Variants in UROC1 observed in about 807,000 individuals in gnomAD.
UROC1 encodes the protein urocanate hydratase 1, also known as urocanate hydratase.
In UROC1, 79 loss-of-function variants were observed where a neutral mutation model predicts 89.5. That is an observed-to-expected ratio of 0.88 (90% CI 0.74 to 1.06). The LOEUF (loss-of-function observed/expected upper bound fraction) is 1.06. UROC1 is among the 50% of genes least tolerant of loss of function. UROC1 has a pLI of 0.00. For missense variants in UROC1, 885 were observed against 907.8 expected (o/e 0.97, Z 0.32); for synonymous variants, 361 against 354.8 (o/e 1.02, Z -0.20).
chr3:126,504,534 GT>G (rs1394021890), intron 8 of UROC1, among the ~76,000 whole-genome samples: 2 of 152,216 alleles, frequency 1.3e-5, no homozygotes, highest in Non-Finnish European at 2.9e-5. Context: ...GGCAGCCATT[GT>G]TTCTACAAGG....
At chr3:126,501,326 T>A (rs1935918707) in intron 9 of UROC1, 46 bp from the exon 10 acceptor site, 2 of 1,607,812 alleles carry the variant, frequency 1.2e-6, no homozygotes, top group African/African-American at 2.7e-5. Context: ...CACCTGTGCA[T>A]AGGTGCCCCA....
Position 126,483,551 on chromosome 3 carries a change from T to C in UROC1, c.1791-83A>G. 4 of 1,369,176 alleles carry C rather than the reference T, an allele frequency of 2.9e-6. No individual in the cohort carries two copies. The South Asian group carries it at 3.7e-5, about 13-fold the overall frequency. The allele number at this position is 1,369,176 out of a possible 1,614,324, so 84.8% of individuals were successfully genotyped here. A position where few individuals can be genotyped will look rare whatever the true frequency, so the allele number is the denominator to read the frequency against. On this transcript the variant is annotated intron_variant, in intron 18 of 19. Transcript: ENST00000290868. The stretch of plus-strand genomic sequence containing the variant: ...GGCAGAAGCCCATGTTTTGGAAGCA[T>C]TGGCTTGAGACGGCGTCAGGGTTGG...
chr3:126,500,727 G>T lies in UROC1; in HGVS notation c.1113C>A (p.Asn371Lys), dbSNP rs769578005. 1 of 1,614,094 alleles carries T rather than the reference G, an allele frequency of 6.2e-7. No individual in the cohort carries two copies. Among genetic ancestry groups the T allele is most frequent in the Non-Finnish European group, 8.5e-7 (1 of 1,180,022 alleles). The part of the protein sequence containing the change: ...FTEAQSLMAS[N>K]PAVFKDLVQE... ...GGACCAGGTCCTTGAACACAGCAGG[G>T]TTGGAGGCCATGAGGCTCTGGGCCT... The change falls in exon 11 of 20, where the codon AAC (asparagine) becomes AAA (lysine). Residue 371 changes from asparagine to lysine, a missense_variant. By Grantham distance (94) the Asn-to-Lys change is moderately conservative (BLOSUM62 0). Transcript: ENST00000290868.
chr3:126,506,533 G>A (rs987615967), intron 6 of UROC1, among the ~76,000 whole-genome samples: 3 of 152,200 alleles, frequency 2.0e-5, no homozygotes, highest in African/African-American at 7.2e-5. Context: ...ATAAATTAGT[G>A]CAATTGAACA....
intron 1 of UROC1, among the ~76,000 whole-genome samples, chr3:126,511,090 C>T (rs764133112): frequency 6.6e-6 from 1 of 152,122 alleles, no homozygotes; most frequent in African/African-American, 2.4e-5. Flanking sequence ...CCCAGGCAGG[C>T]ACCAGAGAGG....
intron 15 of UROC1, 81 bp downstream of exon 15, chr3:126,495,957 G>A: frequency 7.2e-7 from 1 of 1,383,504 alleles, no homozygotes; most frequent in Non-Finnish European, 1.0e-6. Context: ...ACCAGGCTGA[G>A]CGCCCGTCAG....
chr3:126,506,091 T>C (rs1174876273), intron 6 of UROC1, 80 bp from the exon 7 acceptor site: 6 of 1,521,642 alleles, frequency 3.9e-6, no homozygotes, highest in Admixed American at 3.3e-5. Flanking sequence ...TTTTAGGAGG[T>C]TGAAAATTAG....
intron 4 of UROC1, 122 bp downstream of exon 4, chr3:126,508,294 G>A: frequency 3.6e-6 from 5 of 1,374,750 alleles, no homozygotes; most frequent in Admixed American, 3.6e-5. Context: ...CAATGCTGGA[G>A]CCTCAGGCAC....
rs769578005 is a variant in UROC1 at position 126,500,727 on chromosome 3, G to A, written c.1113C>T (p.Asn371=). ...GGACCAGGTCCTTGAACACAGCAGG[G>A]TTGGAGGCCATGAGGCTCTGGGCCT... is the stretch of plus-strand genomic sequence containing the variant. ...FTEAQSLMAS[N]PAVFKDLVQE... is the part of the protein sequence containing the mutation. The change falls in exon 11 of 20, where the codon AAC becomes AAT. Residue 371 remains asparagine (N), a synonymous_variant. Transcript: ENST00000290868. 3.3e-5 allele frequency: 54 copies of A among 1,613,976 alleles called. No homozygotes were observed. Among genetic ancestry groups the A allele is most frequent in the Non-Finnish European group, 4.5e-5 (53 of 1,180,030 alleles).
chr3:126,498,584 G>C (rs917760081), intron 13 of UROC1, among the ~76,000 whole-genome samples: 1 of 152,002 alleles, frequency 6.6e-6, no homozygotes, highest in South Asian at 2.1e-4. Flanking sequence ...GGGCTGTCCT[G>C]GGGGGAGGAT....
intron 19 of UROC1, 50 bp from the exon 20 acceptor site, chr3:126,482,535 C>G (rs746077439): frequency 6.2e-6 from 10 of 1,613,016 alleles, no homozygotes; most frequent in South Asian, 5.5e-5. Context: ...CCGGGCTCCC[C>G]ACGTGAGTCT....
chr3:126,487,841 C>T (rs962008523), intron 18 of UROC1, among the ~76,000 whole-genome samples: 1 of 152,234 alleles, frequency 6.6e-6, no homozygotes, highest in African/African-American at 2.4e-5. Context: ...AGACCCTGGC[C>T]ATGAAAGCGC....
At chr3:126,492,565 A>G in intron 15 of UROC1, 49 bp from the exon 16 acceptor site, 1 of 1,483,886 alleles carries the variant, frequency 6.7e-7, no homozygotes, top group South Asian at 1.2e-5. Flanking sequence ...GGCAGCAATA[A>G]CAGGACCTGG....
intron 9 of UROC1, among the ~76,000 whole-genome samples, chr3:126,502,651 CTG>C (rs904241564): frequency 2.1e-5 from 3 of 146,232 alleles, no homozygotes; most frequent in Non-Finnish European, 3.0e-5. Context: ...TGTGTGCACT[CTG>C]TGTGTGCCTG....
At position 126,508,057 on chromosome 3, in the gene UROC1, C is replaced by T; in HGVS notation, c.450G>A (p.Glu150=). 6.2e-7 allele frequency: 1 copy of T among 1,614,028 alleles called. No individual in the cohort carries two copies. The highest frequency in any genetic ancestry group is 8.5e-7 in the Non-Finnish European group (1 of 1,180,026). ...CACTGTACATGACCAAAGTCTGCTC[C>T]TCTGTCATCTTCGACAAGTAGAACA... is the stretch of plus-strand genomic sequence containing the variant. ...LTMFYLSKMT[E]EQTLVMYSGH... The change falls in exon 5 of 20, where the codon GAG becomes GAA. Residue 150 remains glutamate (E), a synonymous_variant. Coordinates refer to ENST00000290868, the MANE Select transcript of UROC1 (RefSeq NM_144639.3).
chr3:126,508,110 G>T lies in UROC1; in HGVS notation c.412-15C>A. On this transcript the variant is annotated splice_polypyrimidine_tract_variant and intron_variant, in intron 4 of 19. Transcript: ENST00000290868. ...GTCAGCCAGAACTGGGGGAAGAGCA[G>T]AGCGTGGGGATTCTGTCAACAGAAG... The T allele has an allele frequency of 6.2e-7, 1 of 1,613,534 alleles. No individual in the cohort carries two copies. Among genetic ancestry groups the T allele is most frequent in the South Asian group, 1.1e-5 (1 of 91,052 alleles).
At position 126,509,568 on chromosome 3, in the gene UROC1, G is replaced by A; in HGVS notation, c.351+17C>T. 6.5e-7 allele frequency: 1 copy of A among 1,550,156 alleles called. No homozygotes were observed. Among genetic ancestry groups the A allele is most frequent in the Non-Finnish European group, 8.7e-7 (1 of 1,145,636 alleles). On this transcript the variant is annotated intron_variant, in intron 3 of 19. Coordinates refer to ENST00000290868, the MANE Select transcript of UROC1 (RefSeq NM_144639.3). ...TTCTGCTGGACAGTGCTGGGCCTCG[G>A]TTTCCCTGGCTATTACCTGGGCCAC...
chr3:126,489,757 T>A (rs1935602438), intron 16 of UROC1, among the ~76,000 whole-genome samples: 1 of 152,232 alleles, frequency 6.6e-6, no homozygotes, highest in Non-Finnish European at 1.5e-5. Context: ...GCGCTCCTCG[T>A]CTTACGATGG....
chr3:126,500,914 G>T (rs1560122211), intron 10 of UROC1, 40 bp from the exon 11 acceptor site: 1 of 838,956 alleles, frequency 1.2e-6, no homozygotes. Context: ...GCCACACACA[G>T]CCTGGGCCCA....
Sources: allele counts gnomAD v4.1 joint callset (sites outside exome capture counted in the v4.1 genomes callset), GRCh38; gene constraint gnomAD v4.1.1; transcripts MANE v1.5; gene names NCBI Gene and HGNC (gene_info 2026-07-23, HGNC 2026-07-21).